RBFOX1: variants seen among roughly 807,000 people sequenced by gnomAD.
The protein encoded by RBFOX1 is RNA binding protein fox-1 homolog 1.
Under a neutral mutation model 57.7 loss-of-function variants are expected in RBFOX1, and 8 were observed. The ratio of observed to expected loss-of-function variants is 0.14; its 90% CI spans 0.08 to 0.25. The LOEUF (loss-of-function observed/expected upper bound fraction) is 0.25, where lower values mean the gene tolerates loss of function less well. Among genes scored for constraint, RBFOX1 ranks in the 10% least tolerant of loss-of-function variants. RBFOX1 has a pLI of 1.00. For synonymous variants in RBFOX1, 326 were observed against 222.4 expected, an observed-to-expected ratio of 1.47 and a Z score of -4.15; for missense variants, 611 against 548.5, an observed-to-expected ratio of 1.11 and a Z score of -1.14.
At chr16:5,675,362 C>T (rs2050134323) in intron 3 of RBFOX1, among the ~76,000 whole-genome samples, 1 of 152,164 alleles carries the variant, frequency 6.6e-6, no homozygotes, top group Non-Finnish European at 1.5e-5. Flanking sequence ...CTGATCATTT[C>T]TAGACTTTGG....
chr16:6,939,506 CT>C (rs796218936), intron 3 of RBFOX1, among the ~76,000 whole-genome samples: 63 of 112,864 alleles, frequency 5.6e-4, no homozygotes, highest in East Asian at 1.8e-3. Context: ...ATTTTTCTTT[CT>C]TTTTTTTTTT....
chr16:6,020,067 G>T, intron 1 of RBFOX1, 75 bp downstream of exon 1: 1 of 1,347,470 alleles, frequency 7.4e-7, no homozygotes, highest in Non-Finnish European at 9.6e-7. Context: ...CTCATGGAGG[G>T]AAGCGCTAGG....
chr16:6,946,853 C>A (rs1440098257), intron 3 of RBFOX1, among the ~76,000 whole-genome samples: 1 of 152,194 alleles, frequency 6.6e-6, no homozygotes, highest in Non-Finnish European at 1.5e-5. Context: ...AAGCAATCCT[C>A]CTGCCTTGGC....
chr16:6,426,218 G>C (rs76323176), intron 2 of RBFOX1, among the ~76,000 whole-genome samples: 5,577 of 151,210 alleles, frequency 0.037, 369 homozygotes, highest in African/African-American at 0.13. Context: ...CCCTCTCCCT[G>C]TCTATGCAAT....
intron 11 of RBFOX1, among the ~76,000 whole-genome samples, chr16:7,640,660 C>T (rs1205599938): frequency 6.6e-6 from 1 of 152,136 alleles, no homozygotes; most frequent in Non-Finnish European, 1.5e-5. Flanking sequence ...GGGGGAATTC[C>T]CTGGAAACCC....
At chr16:5,256,933 G>GAA (rs2062603920) in intron 1 of RBFOX1, among the ~76,000 whole-genome samples, 1 of 148,118 alleles carries the variant, frequency 6.8e-6, no homozygotes, top group Non-Finnish European at 1.5e-5. Flanking sequence ...GGCTCTGTCT[G>GAA]AAAAAAGAAA....
In RBFOX1 at chr16:7,522,858, C is replaced by T. The variant is rs1445222279; in HGVS notation, c.270+4469C>T. ...AACAGCTTTGTTGACATACAATAAA[C>T]TGTATATATTTAAAGTATACACTTT... is the stretch of plus-strand genomic sequence containing the variant. On this transcript the variant is annotated intron_variant, in intron 5 of 15. Coordinates refer to ENST00000550418, the MANE Select transcript of RBFOX1 (RefSeq NM_018723.4). Among the ~76,000 whole-genome samples, 4 of 152,156 alleles carry T rather than the reference C, an allele frequency of 2.6e-5. No individual in the cohort carries two copies. In the East Asian group the frequency reaches 7.7e-4, roughly 29 times the overall value.
At chr16:7,189,494 T>A (rs895505895) in intron 4 of RBFOX1, among the ~76,000 whole-genome samples, 1 of 147,076 alleles carries the variant, frequency 6.8e-6, no homozygotes, top group Non-Finnish European at 1.5e-5. Flanking sequence ...CCACACTGAT[T>A]CAGGTATTCT....
At chr16:6,206,507 G>A (rs769731514) in intron 1 of RBFOX1, among the ~76,000 whole-genome samples, 1 of 152,094 alleles carries the variant, frequency 6.6e-6, no homozygotes, top group African/African-American at 2.4e-5. Context: ...CTCCCTGATG[G>A]CAGAGGTATC....
At chr16:6,579,194 C>G (rs1402413998) in intron 2 of RBFOX1, among the ~76,000 whole-genome samples, 3 of 151,932 alleles carry the variant, frequency 2.0e-5, no homozygotes, top group Admixed American at 2.0e-4. Flanking sequence ...GTTTTGTTTT[C>G]TTTTTTGTTA....
chr16:6,564,873 G>T (rs2097237126), intron 2 of RBFOX1, among the ~76,000 whole-genome samples: 1 of 152,060 alleles, frequency 6.6e-6, no homozygotes, highest in Non-Finnish European at 1.5e-5. Flanking sequence ...GGGCACGGTG[G>T]CTCATGTCTG....
chr16:6,761,452 G>GT, intron 3 of RBFOX1, among the ~76,000 whole-genome samples: 1 of 120,274 alleles, frequency 8.3e-6, no homozygotes, highest in Admixed American at 8.6e-5. Context: ...TTAGTTTTTA[G>GT]TTTTTAAACA....
At chr16:7,254,192 A>T (rs1171766683) in intron 4 of RBFOX1, among the ~76,000 whole-genome samples, 1 of 152,176 alleles carries the variant, frequency 6.6e-6, no homozygotes, top group Non-Finnish European at 1.5e-5. Flanking sequence ...GTTTGCCTGA[A>T]ATCACACAGT....
At chr16:6,618,239 T>C (rs1425797897) in intron 2 of RBFOX1, among the ~76,000 whole-genome samples, 1 of 152,170 alleles carries the variant, frequency 6.6e-6, no homozygotes, top group Non-Finnish European at 1.5e-5. Context: ...TTAACAGTTA[T>C]TGAATATGAT....
chr16:5,689,251 G>C (rs977462181), intron 3 of RBFOX1, among the ~76,000 whole-genome samples: 2 of 152,184 alleles, frequency 1.3e-5, no homozygotes, highest in African/African-American at 4.8e-5. Context: ...TGATTTTGAG[G>C]CTTTGAGCAA....
At chr16:6,692,006 G>C (rs2060274463) in intron 3 of RBFOX1, among the ~76,000 whole-genome samples, 1 of 152,212 alleles carries the variant, frequency 6.6e-6, no homozygotes, top group African/African-American at 2.4e-5. Context: ...ACAGCTTTCA[G>C]AGGAAACACA....
chr16:5,659,540 T>G (rs991239752), intron 3 of RBFOX1, among the ~76,000 whole-genome samples: 1 of 152,130 alleles, frequency 6.6e-6, no homozygotes, highest in African/African-American at 2.4e-5. Context: ...CCTGACCTTG[T>G]GATCCGTCCG....
At chr16:6,878,975 G>T (rs994373759) in intron 3 of RBFOX1, among the ~76,000 whole-genome samples, 8 of 152,170 alleles carry the variant, frequency 5.3e-5, no homozygotes, top group African/African-American at 1.4e-4. Flanking sequence ...TAAATAAAAT[G>T]ACTTGTATAA....
At chr16:6,739,943 C>CT (rs1476606759) in intron 3 of RBFOX1, among the ~76,000 whole-genome samples, 1 of 152,098 alleles carries the variant, frequency 6.6e-6, no homozygotes, top group Non-Finnish European at 1.5e-5. Context: ...GGTCACAAAA[C>CT]TGGACAAAGA....
Sources: gnomAD v4.1 joint callset for allele counts (sites outside exome capture counted in the v4.1 genomes callset) on GRCh38, gnomAD v4.1.1 for gene constraint, MANE v1.5 for transcripts, NCBI Gene and HGNC (gene_info 2026-07-23, HGNC 2026-07-21) for gene names.